Variants in SMYD3 observed in about 807,000 individuals in gnomAD.
The protein encoded by SMYD3 is SET and MYND domain containing 3.
SMYD3 carries 36 observed loss-of-function variants against 57.7 expected under a neutral mutation model. That is an observed-to-expected ratio of 0.62 (90% CI 0.48 to 0.82). The LOEUF (loss-of-function observed/expected upper bound fraction) is 0.82. SMYD3 is among the 40% of genes least tolerant of loss of function. SMYD3 has a pLI of 0.00. For synonymous variants in SMYD3, 211 were observed against 195.0 expected (o/e 1.08, Z -0.68); for missense variants, 515 against 538.8 (o/e 0.96, Z 0.44).
At chr1:246,393,639 G>A (rs2066606602) in intron 1 of SMYD3, among the ~76,000 whole-genome samples, 1 of 144,344 alleles carries the variant, frequency 6.9e-6, no homozygotes, top group South Asian at 2.2e-4. Flanking sequence ...AGGAGTTTGG[G>A]ACCAGCCTGA....
At position 246,202,491 on chromosome 1, in the gene SMYD3, C is replaced by T. The variant is rs1484786483; in HGVS notation, c.531+124710G>A. Among the ~76,000 whole-genome samples, 1 of 152,194 alleles carries T rather than the reference C, an allele frequency of 6.6e-6. No individual in the cohort carries two copies. The highest frequency in any genetic ancestry group is 1.5e-5 in the Non-Finnish European group (1 of 68,038). On this transcript the variant is annotated intron_variant, in intron 5 of 11. Coordinates refer to ENST00000490107, the MANE Select transcript of SMYD3 (RefSeq NM_001167740.2). The surrounding 1 kb of genome is among the most constrained non-coding windows in gnomAD (Gnocchi z 4.1). The stretch of plus-strand genomic sequence containing the variant: ...CTGCCTGCAAGAATTCAGCTGGAAC[C>T]GAGTCAACTCCTTCCCCCTTTCCTC...
intron 5 of SMYD3, among the ~76,000 whole-genome samples, chr1:246,096,943 T>C (rs1454807235): frequency 1.3e-5 from 2 of 152,252 alleles, no homozygotes; most frequent in Non-Finnish European, 2.9e-5. Context: ...GTTGTTGATT[T>C]GTAGGTGCTC....
At chr1:246,127,228 G>A (rs190914788) in intron 5 of SMYD3, among the ~76,000 whole-genome samples, 4 of 151,974 alleles carry the variant, frequency 2.6e-5, no homozygotes, top group Admixed American at 6.6e-5. Flanking sequence ...TATTGTAAGC[G>A]GTCACAAGGC....
chr1:245,786,215 G>GC (rs1553321354), intron 10 of SMYD3, among the ~76,000 whole-genome samples: 14 of 147,202 alleles, frequency 9.5e-5, no homozygotes, highest in African/African-American at 1.3e-4. Flanking sequence ...GGTGTGGACG[G>GC]GGGGGGGATG....
intron 5 of SMYD3, among the ~76,000 whole-genome samples, chr1:246,000,333 C>T (rs772109009): frequency 1.3e-5 from 2 of 149,724 alleles, no homozygotes; most frequent in African/African-American, 2.5e-5. Context: ...TGGGAAGAGA[C>T]AACAGAAAGG....
intron 5 of SMYD3, among the ~76,000 whole-genome samples, chr1:246,175,229 T>C (rs1463319535): frequency 6.6e-6 from 1 of 152,184 alleles, no homozygotes; most frequent in Non-Finnish European, 1.5e-5. Context: ...TTTTGTAACA[T>C]GGTAAATATC....
intron 5 of SMYD3, among the ~76,000 whole-genome samples, chr1:246,176,779 T>C (rs1238510942): frequency 6.6e-6 from 1 of 152,128 alleles, no homozygotes; most frequent in Non-Finnish European, 1.5e-5. Context: ...CACCTCGGCC[T>C]CCCAAAGTGT....
Position 246,507,258 on chromosome 1 carries a change from A to T in SMYD3, c.-41T>A, listed in dbSNP as rs2068559567. The T allele has an allele frequency of 6.9e-7, 1 of 1,456,490 alleles. No homozygotes were observed. The highest frequency in any genetic ancestry group is 9.1e-7 in the Non-Finnish European group (1 of 1,097,672). 90.2% of individuals were successfully genotyped at this position (1,456,490 alleles called of 1,614,324 possible). On this transcript the variant is annotated 5_prime_UTR_variant, in exon 1 of 12. Transcript: ENST00000490107. ...GCACCTCAGACGGCTACCCGCGTCC[A>T]GCAGCGGGCGTCTCACGGGCTGCCG...
At chr1:246,069,631 G>C (rs2060408500) in intron 5 of SMYD3, among the ~76,000 whole-genome samples, 1 of 152,182 alleles carries the variant, frequency 6.6e-6, no homozygotes, top group South Asian at 2.1e-4. Context: ...AAAACAGAAA[G>C]ATGGCATTGC....
chr1:245,856,624 T>TG (rs1321113901), intron 10 of SMYD3, among the ~76,000 whole-genome samples: 2 of 152,128 alleles, frequency 1.3e-5, no homozygotes, highest in African/African-American at 4.8e-5. Context: ...CTGGTAGATG[T>TG]GGGGAAGAGA....
At chr1:246,180,759 CAAAAAAAAAAAAAAAAAAAAAAAAA>C (rs61346746) in intron 5 of SMYD3, among the ~76,000 whole-genome samples, 4 of 29,198 alleles carry the variant, frequency 1.4e-4, no homozygotes, top group East Asian at 1.7e-3. Context: ...GACTCTGTCT[CAAAAAAAAAAAAAAAAAAAAAAAAA>C]AAAAAAAAAA....
chr1:245,898,558 T>C (rs540335244), intron 8 of SMYD3, among the ~76,000 whole-genome samples: 8 of 152,268 alleles, frequency 5.3e-5, no homozygotes, highest in African/African-American at 1.7e-4. Flanking sequence ...AACATGAGAA[T>C]AGTGGCATCT....
intron 5 of SMYD3, among the ~76,000 whole-genome samples, chr1:246,226,137 A>G (rs1451731545): frequency 6.6e-6 from 1 of 152,202 alleles, no homozygotes; most frequent in Non-Finnish European, 1.5e-5. Flanking sequence ...ACCCGAACTC[A>G]AAGTGTAGCA....
intron 10 of SMYD3, among the ~76,000 whole-genome samples, chr1:245,843,006 C>T (rs146515945): frequency 1.6e-3 from 247 of 152,316 alleles, no homozygotes; most frequent in African/African-American, 5.7e-3. Flanking sequence ...CCACCACACC[C>T]AGCTTATATG....
chr1:245,905,336 G>C (rs114622152), intron 8 of SMYD3, among the ~76,000 whole-genome samples: 10 of 152,064 alleles, frequency 6.6e-5, no homozygotes, highest in Non-Finnish European at 1.3e-4. Flanking sequence ...GCCTTCGGCC[G>C]GAGGGCAGTC....
intron 10 of SMYD3, among the ~76,000 whole-genome samples, chr1:245,776,714 TTC>T (rs2046616366): frequency 8.5e-5 from 13 of 152,196 alleles, no homozygotes; most frequent in African/African-American, 3.1e-4. Flanking sequence ...AGCAGAGATG[TTC>T]TCTTCTTTGA....
At chr1:246,111,613 A>G (rs1173778202) in intron 5 of SMYD3, 1 of 152,222 alleles carries the variant, frequency 6.6e-6, no homozygotes. Flanking sequence ...ACAGCTTAAG[A>G]CTAAACTGTA....
intron 5 of SMYD3, among the ~76,000 whole-genome samples, chr1:246,124,042 T>C (rs1003092732): frequency 2.0e-5 from 3 of 152,246 alleles, no homozygotes; most frequent in African/African-American, 7.2e-5. Flanking sequence ...ACAAAAGATG[T>C]TGTCTTCGTA....
intron 5 of SMYD3, among the ~76,000 whole-genome samples, chr1:246,316,363 T>A (rs2065156796): frequency 1.5e-5 from 2 of 135,696 alleles, no homozygotes; most frequent in Admixed American, 7.5e-5. Flanking sequence ...CTTCATGGGT[T>A]TTTTTTTTTT....
Sources: allele counts gnomAD v4.1 joint callset (sites outside exome capture counted in the v4.1 genomes callset), GRCh38; gene constraint gnomAD v4.1.1; non-coding constraint Gnocchi (gnomAD v3.1); transcripts MANE v1.5; gene names NCBI Gene and HGNC (gene_info 2026-07-23, HGNC 2026-07-21).